Variants in GPHN observed in about 807,000 individuals in gnomAD.
GPHN encodes gephyrin.
In GPHN, 17 loss-of-function variants were observed where a neutral mutation model predicts 95.5. The ratio of observed to expected loss-of-function variants is 0.18; its 90% CI spans 0.12 to 0.27. The LOEUF is 0.27. Ranked by LOEUF, GPHN falls within the 10% of genes least tolerant of loss-of-function variation. The pLI, the probability that GPHN is intolerant of heterozygous loss-of-function variation, is 1.00. For missense variants in GPHN, 660 were observed against 978.1 expected, an observed-to-expected ratio of 0.67 and a Z score of 4.34; for synonymous variants, 320 against 322.5, an observed-to-expected ratio of 0.99 and a Z score of 0.08.
intron 2 of GPHN, chr14:66,760,826 T>C: frequency 1.8e-6 from 1 of 545,934 alleles, no homozygotes; most frequent in South Asian, 1.5e-5. Context: ...GTTGAAGAGA[T>C]CAAGCAGAAA....
chr14:67,536,797 C>G, the GPHN span, among the ~76,000 whole-genome samples: 1 of 151,870 alleles, frequency 6.6e-6, no homozygotes, highest in Non-Finnish European at 1.5e-5. Context: ...AATCCCAGCA[C>G]TTTGGGAGGC....
chr14:67,660,227 T>C, the GPHN span: 1 of 194,340 alleles, frequency 5.1e-6, no homozygotes, highest in African/African-American at 2.3e-5. Flanking sequence ...TCACAACAAA[T>C]CAATAAGGTA....
chr14:67,573,901 T>G, the GPHN span: 3 of 1,587,676 alleles, frequency 1.9e-6, no homozygotes, highest in Non-Finnish European at 2.6e-6. The surrounding 1 kb of genome is among the most constrained non-coding windows in gnomAD (Gnocchi z 4.8). Context: ...AGCACGCTCC[T>G]GGCTGCTAGT....
At chr14:66,649,808 G>A (rs2064949221) in intron 1 of GPHN, among the ~76,000 whole-genome samples, 1 of 152,168 alleles carries the variant, frequency 6.6e-6, no homozygotes, top group Non-Finnish European at 1.5e-5. Context: ...CTTTATAGTG[G>A]CAAGTGAGGT....
chr14:66,556,677 C>T (rs1046735826), intron 1 of GPHN, among the ~76,000 whole-genome samples: 1 of 151,774 alleles, frequency 6.6e-6, no homozygotes, highest in Non-Finnish European at 1.5e-5. Context: ...ATTATTTATG[C>T]CTGCATTTAA....
At chr14:66,599,396 T>C (rs1454725713) in intron 1 of GPHN, among the ~76,000 whole-genome samples, 4 of 146,132 alleles carry the variant, frequency 2.7e-5, no homozygotes, top group African/African-American at 1.1e-4. Flanking sequence ...TTTTGCATTT[T>C]TTTTTTTTTT....
chr14:66,821,165 A>G (rs987419749), intron 3 of GPHN, among the ~76,000 whole-genome samples: 5 of 152,192 alleles, frequency 3.3e-5, no homozygotes, highest in African/African-American at 2.4e-5. Flanking sequence ...GGCAAGATAA[A>G]TTGCTTTCTA....
chr14:67,374,767 G>T, the GPHN span: 8 of 358,844 alleles, frequency 2.2e-5, no homozygotes, highest in African/African-American at 1.3e-4. Context: ...AAAATACGGG[G>T]TTTTTTTGTT....
chr14:67,336,439 T>C, the GPHN span: 45 of 207,780 alleles, frequency 2.2e-4, no homozygotes, highest in African/African-American at 7.2e-4. Flanking sequence ...ATCTGCACTT[T>C]TGTAAGTATT....
Position 66,824,468 on chromosome 14 carries a change from T to C in GPHN, c.202-6T>C, listed in dbSNP as rs3784075. ...TGCACATGACTATACTATTGTTTTC[T>C]TTCAGGAAACCCTGATAGATTGGTG... On this transcript the variant is annotated splice_region_variant and splice_polypyrimidine_tract_variant and intron_variant, in intron 3 of 22. Coordinates refer to ENST00000478722, the MANE Select transcript of GPHN (RefSeq NM_020806.5). 153,391 of 1,515,180 alleles carry C rather than the reference T, an allele frequency of 0.1. 24,680 individuals are homozygous for C. Among genetic ancestry groups the C allele is most frequent in the African/African-American group, 0.57 (40,912 of 72,096 alleles). 93.9% of individuals were successfully genotyped at this position (1,515,180 alleles called of 1,614,324 possible).
the GPHN span, chr14:67,227,542 AAGTT>A: frequency 1.3e-5 from 2 of 152,128 alleles, no homozygotes; most frequent in African/African-American, 4.8e-5. Context: ...ATGGTAGAAA[AAGTT>A]AGTTACTAAT....
chr14:67,216,991 C>T, the GPHN span, among the ~76,000 whole-genome samples: 2 of 152,030 alleles, frequency 1.3e-5, no homozygotes, highest in African/African-American at 4.8e-5. Flanking sequence ...ATGATTTGTC[C>T]AAGGCTAAGA....
intron 18 of GPHN, among the ~76,000 whole-genome samples, chr14:67,156,866 A>T (rs2153714883): frequency 6.6e-6 from 1 of 152,040 alleles, no homozygotes; most frequent in Middle Eastern, 3.4e-3. Flanking sequence ...GCTACTCAGG[A>T]GGCTGAGACA....
chr14:67,340,773 G>A, the GPHN span, among the ~76,000 whole-genome samples: 1 of 152,008 alleles, frequency 6.6e-6, no homozygotes, highest in South Asian at 2.1e-4. Context: ...CAACCTCCCT[G>A]CCTGATTCTC....
chr14:66,513,158 AT>A (rs1188563912), intron 1 of GPHN, among the ~76,000 whole-genome samples: 1 of 151,786 alleles, frequency 6.6e-6, no homozygotes, highest in Non-Finnish European at 1.5e-5. Context: ...ACTTAGTACT[AT>A]TATCATTGGT....
the GPHN span, among the ~76,000 whole-genome samples, chr14:67,332,363 A>G: frequency 3.3e-5 from 5 of 152,212 alleles, no homozygotes; most frequent in Admixed American, 2.0e-4. Context: ...AGCCAAAAGT[A>G]AATGGCATTT....
the GPHN span, among the ~76,000 whole-genome samples, chr14:67,431,690 T>G: frequency 6.6e-6 from 1 of 151,516 alleles, no homozygotes; most frequent in Admixed American, 6.6e-5. Context: ...AGACCCCAAC[T>G]CAACAACAGC....
At chr14:67,538,260 A>C in the GPHN span, among the ~76,000 whole-genome samples, 1 of 152,174 alleles carries the variant, frequency 6.6e-6, no homozygotes, top group Non-Finnish European at 1.5e-5. Flanking sequence ...TCATCATGGG[A>C]AGAGGACAAT....
chr14:67,391,181 G>A, the GPHN span, among the ~76,000 whole-genome samples: 487 of 152,182 alleles, frequency 3.2e-3, 4 homozygotes, highest in Non-Finnish European at 4.1e-3. Flanking sequence ...GTGCCCACAT[G>A]TGCAGTAAAA....
Sources: gnomAD v4.1 joint callset for allele counts (sites outside exome capture counted in the v4.1 genomes callset) on GRCh38, gnomAD v4.1.1 for gene constraint, Gnocchi (gnomAD v3.1) non-coding constraint, MANE v1.5 for transcripts, NCBI Gene and HGNC (gene_info 2026-07-23, HGNC 2026-07-21) for gene names.